ANKS1B: variants seen among roughly 807,000 people sequenced by gnomAD.
The protein encoded by ANKS1B is ankyrin repeat and sterile alpha motif domain-containing protein 1B.
ANKS1B carries 36 observed loss-of-function variants against 148.3 expected under a neutral mutation model. That is an observed-to-expected ratio of 0.24 (90% confidence interval 0.19 to 0.32). The LOEUF (loss-of-function observed/expected upper bound fraction) is 0.32, where lower values mean the gene tolerates loss of function less well. Among genes scored for constraint, ANKS1B ranks in the 10% least tolerant of loss-of-function variants. ANKS1B has a pLI of 1.00. For missense variants in ANKS1B, 1,157 were observed against 1,542.6 expected (o/e 0.75, Z 4.19); for synonymous variants, 542 against 560.8 (o/e 0.97, Z 0.47).
At chr12:99,790,546 A>G (rs1015824229) in intron 4 of ANKS1B, among the ~76,000 whole-genome samples, 3 of 152,176 alleles carry the variant, frequency 2.0e-5, no homozygotes, top group Non-Finnish European at 4.4e-5. Flanking sequence ...AATGACTACA[A>G]TGAATTTTCA....
At chr12:99,552,530 T>C (rs1433444070) in intron 9 of ANKS1B, among the ~76,000 whole-genome samples, 1 of 152,220 alleles carries the variant, frequency 6.6e-6, no homozygotes, top group Non-Finnish European at 1.5e-5. Flanking sequence ...AAATGACAGA[T>C]CAAATGAACA....
intron 19 of ANKS1B, among the ~76,000 whole-genome samples, chr12:98,816,835 T>C (rs751633970): frequency 6.6e-6 from 1 of 152,084 alleles, no homozygotes; most frequent in Non-Finnish European, 1.5e-5. Flanking sequence ...ACAGAGCAAG[T>C]AGATGACAGC....
intron 17 of ANKS1B, among the ~76,000 whole-genome samples, chr12:98,960,579 C>G (rs2099869667): frequency 6.6e-6 from 1 of 152,140 alleles, no homozygotes; most frequent in Non-Finnish European, 1.5e-5. Context: ...AAATATCTAG[C>G]TCTTCAATGC....
intron 17 of ANKS1B, among the ~76,000 whole-genome samples, chr12:98,879,597 T>C (rs1483712170): frequency 1.3e-5 from 2 of 152,170 alleles, no homozygotes; most frequent in East Asian, 1.9e-4. Context: ...TTGTTTTTTT[T>C]CCCCTCTCCT....
intron 9 of ANKS1B, among the ~76,000 whole-genome samples, chr12:99,604,346 A>G (rs771117129): frequency 3.9e-5 from 6 of 152,128 alleles, no homozygotes; most frequent in Non-Finnish European, 8.8e-5. Context: ...ATAATTTAGC[A>G]TATCAAATAA....
intron 17 of ANKS1B, among the ~76,000 whole-genome samples, chr12:98,920,985 T>C (rs1036408228): frequency 1.3e-5 from 2 of 152,226 alleles, no homozygotes; most frequent in African/African-American, 4.8e-5. Context: ...AATACATGTA[T>C]ATAATTTATT....
At chr12:99,454,940 T>C (rs1178642052) in intron 10 of ANKS1B, among the ~76,000 whole-genome samples, 11 of 152,178 alleles carry the variant, frequency 7.2e-5, no homozygotes. Flanking sequence ...TGTTAAGCAA[T>C]GAAGAAAGTA....
At chr12:99,128,723 G>A (rs551367182) in intron 15 of ANKS1B, among the ~76,000 whole-genome samples, 1 of 152,310 alleles carries the variant, frequency 6.6e-6, no homozygotes, top group South Asian at 2.1e-4. Flanking sequence ...TTTCCAGTCT[G>A]TTGAGTAGAA....
At chr12:99,239,100 T>C (rs1024798743) in intron 14 of ANKS1B, among the ~76,000 whole-genome samples, 4 of 152,080 alleles carry the variant, frequency 2.6e-5, no homozygotes, top group Non-Finnish European at 5.9e-5. Context: ...CTTCAGAAGG[T>C]TGGAATAACA....
intron 11 of ANKS1B, among the ~76,000 whole-genome samples, chr12:99,424,829 A>AAACCT (rs1359926020): frequency 6.6e-6 from 1 of 152,000 alleles, no homozygotes; most frequent in Admixed American, 6.5e-5. Context: ...GACAAGATGA[A>AAACCT]AACCTAACTT....
chr12:99,487,476 G>A (rs909650439), intron 10 of ANKS1B, among the ~76,000 whole-genome samples: 3 of 152,142 alleles, frequency 2.0e-5, no homozygotes, highest in Non-Finnish European at 4.4e-5. Context: ...ATGAAGGTGA[G>A]CTGAAGAGTG....
At chr12:99,509,962 C>T (rs976921876) in intron 9 of ANKS1B, among the ~76,000 whole-genome samples, 1 of 151,962 alleles carries the variant, frequency 6.6e-6, no homozygotes, top group Non-Finnish European at 1.5e-5. Flanking sequence ...AAAAATGATG[C>T]TAAATCAACT....
At chr12:99,969,889 C>A (rs1316133902) in intron 1 of ANKS1B, among the ~76,000 whole-genome samples, 5 of 152,072 alleles carry the variant, frequency 3.3e-5, no homozygotes, top group African/African-American at 7.2e-5. Flanking sequence ...TAACTCTGGG[C>A]AAGTTATTCA....
intron 2 of ANKS1B, among the ~76,000 whole-genome samples, chr12:99,820,973 G>C (rs528003416): frequency 6.6e-6 from 1 of 151,894 alleles, no homozygotes; most frequent in Admixed American, 6.6e-5. Flanking sequence ...AGGGGTGTCA[G>C]GTAGAAAAAG....
intron 1 of ANKS1B, among the ~76,000 whole-genome samples, chr12:99,886,646 C>T (rs892592763): frequency 6.6e-5 from 10 of 152,092 alleles, no homozygotes; most frequent in African/African-American, 1.7e-4. Flanking sequence ...GGTTGACATA[C>T]CTGTTTACTA....
intron 17 of ANKS1B, chr12:98,894,991 A>AGCAGCG: frequency 7.0e-6 from 5 of 716,110 alleles, no homozygotes; most frequent in Non-Finnish European, 6.8e-6. Context: ...CCCTGGCGGC[A>AGCAGCG]GCGGCGGCGG....
chr12:99,016,267 T>A (rs1352728980), intron 17 of ANKS1B, among the ~76,000 whole-genome samples: 1 of 152,242 alleles, frequency 6.6e-6, no homozygotes, highest in Non-Finnish European at 1.5e-5. Context: ...CATTATTTTT[T>A]TCTTCTTAAA....
chr12:99,752,428 G>T (rs1193648146), intron 8 of ANKS1B, among the ~76,000 whole-genome samples: 1 of 151,172 alleles, frequency 6.6e-6, no homozygotes, highest in African/African-American at 2.4e-5. Context: ...TGCCTCAGTC[G>T]TTTTTTTTGT....
intron 17 of ANKS1B, among the ~76,000 whole-genome samples, chr12:98,950,451 T>C (rs1198042719): frequency 6.6e-6 from 1 of 152,102 alleles, no homozygotes; most frequent in Non-Finnish European, 1.5e-5. Flanking sequence ...GAGTTGAGAT[T>C]GTGTCACTGC....
Sources: allele counts gnomAD v4.1 joint callset (sites outside exome capture counted in the v4.1 genomes callset), GRCh38; gene constraint gnomAD v4.1.1; transcripts MANE v1.5; gene names NCBI Gene and HGNC (gene_info 2026-07-23, HGNC 2026-07-21).